Variants in DNAJC6 observed in about 807,000 individuals in gnomAD.
DNAJC6 encodes auxilin.
DNAJC6 carries 34 observed loss-of-function variants against 110.0 expected under a neutral mutation model. That is an observed-to-expected ratio of 0.31 (90% CI 0.24 to 0.41). DNAJC6 has a LOEUF of 0.41. Ranked by LOEUF, DNAJC6 falls within the 10% of genes least tolerant of loss-of-function variation. DNAJC6 has a pLI of 1.00. For synonymous variants in DNAJC6, 406 were observed against 437.2 expected, an observed-to-expected ratio of 0.93 and a Z score of 0.89; for missense variants, 1,031 against 1,207.8, an observed-to-expected ratio of 0.85 and a Z score of 2.17.
At chr1:65,366,327 C>A in intron 4 of DNAJC6, 131 bp downstream of exon 4, 1 of 975,628 alleles carries the variant, frequency 1.0e-6, no homozygotes, top group Non-Finnish European at 1.5e-6. Flanking sequence ...CACTTCTGTT[C>A]ACAAAATATT....
chr1:65,284,997 G>A (rs1653969842), intron 1 of DNAJC6, among the ~76,000 whole-genome samples: 1 of 152,052 alleles, frequency 6.6e-6, no homozygotes, highest in Non-Finnish European at 1.5e-5. Context: ...TGACTCACTG[G>A]TTTTAACTCT....
chr1:65,365,331 A>G (rs1248217147), intron 2 of DNAJC6, among the ~76,000 whole-genome samples: 3 of 152,080 alleles, frequency 2.0e-5, no homozygotes, highest in East Asian at 1.9e-4. Flanking sequence ...GTTATTTTTT[A>G]TTGTTTAGTA....
intron 13 of DNAJC6, among the ~76,000 whole-genome samples, chr1:65,395,802 A>G (rs1645971387): frequency 6.6e-6 from 1 of 152,238 alleles, no homozygotes; most frequent in African/African-American, 2.4e-5. Context: ...CTTAGGTTGT[A>G]TAGAAAGAGT....
intron 1 of DNAJC6, among the ~76,000 whole-genome samples, chr1:65,278,231 A>T (rs1194633402): frequency 6.6e-6 from 1 of 151,924 alleles, no homozygotes; most frequent in African/African-American, 2.4e-5. Context: ...TCATTTACTC[A>T]TTCATCTCAT....
upstream of DNAJC6, among the ~76,000 whole-genome samples, chr1:65,307,012 C>CTATATATATATA (rs1458442591): frequency 1.2e-5 from 1 of 80,028 alleles, no homozygotes; most frequent in African/African-American, 5.4e-5. Context: ...CTCTCTCTCT[C>CTATATATATATA]TCTCTCTATA....
In DNAJC6 at chr1:65,404,008, TA is replaced by T. The variant is rs113945664; in HGVS notation, c.2228-1854del. On this transcript the variant is annotated intron_variant, in intron 15 of 18. Transcript: ENST00000371069. Reference sequence around the variant, plus strand: ...TTTCTGTATTTACCAAATTTTAAAATAAAAAAAACACATATGTTCAGAACAG... The same window carrying T: ...TTTCTGTATTTACCAAATTTTAAAATAAAAAAACACATATGTTCAGAACAG... Among the ~76,000 whole-genome samples, 477 of 152,034 alleles carry T rather than the reference TA, an allele frequency of 3.1e-3. 2 individuals carry two copies. The highest frequency in any genetic ancestry group is 0.011 in the African/African-American group (456 of 41,494).
upstream of DNAJC6, among the ~76,000 whole-genome samples, chr1:65,306,196 T>G (rs1645035975): frequency 6.6e-6 from 1 of 151,508 alleles, no homozygotes; most frequent in South Asian, 2.1e-4. Flanking sequence ...TACAGGTGCC[T>G]GCCACCACGC....
At chr1:65,328,958 T>C (rs1645264449) in intron 1 of DNAJC6, among the ~76,000 whole-genome samples, 1 of 152,220 alleles carries the variant, frequency 6.6e-6, no homozygotes, top group Non-Finnish European at 1.5e-5. Context: ...TAAGTCTGGG[T>C]CAGGTGCTTC....
At chr1:65,374,027 A>G (rs193086108) in intron 4 of DNAJC6, among the ~76,000 whole-genome samples, 3 of 152,302 alleles carry the variant, frequency 2.0e-5, no homozygotes, top group Admixed American at 2.0e-4. Context: ...AGCACCATCT[A>G]TGGAAAAGAC....
At chr1:65,264,823 C>A in exon 1 of DNAJC6, 1 of 1,579,600 alleles carries the variant, frequency 6.3e-7, no homozygotes, top group Non-Finnish European at 8.6e-7. Context: ...CCCCCGAGAC[C>A]GCTGACTGTG....
rs55934054 is a variant in DNAJC6 at position 65,345,229 on chromosome 1, CGTGTGTGTGTGT to C, written c.194-19379_194-19368del. Reference sequence around the variant, plus strand: ...ACCATTTTTGTGCTTCTCTCCCTTTCGTGTGTGTGTGTGTGTGTGTGTGTGTGTGTGTGTGTG... The same window carrying C: ...ACCATTTTTGTGCTTCTCTCCCTTTCGTGTGTGTGTGTGTGTGTGTGTGTG... On this transcript the variant is annotated intron_variant, in intron 1 of 18. Coordinates refer to ENST00000371069, the MANE Select transcript of DNAJC6 (RefSeq NM_001256864.2). 3.0e-3 allele frequency among the ~76,000 whole-genome samples: 432 copies of C among 143,940 alleles called. 2 individuals carry two copies. Among genetic ancestry groups the C allele is most frequent in the African/African-American group, 0.011 (420 of 38,882 alleles). 94.4% of individuals were successfully genotyped at this position (143,940 alleles called of 152,430 possible).
chr1:65,408,163 C>A (rs1646094778), intron 16 of DNAJC6, among the ~76,000 whole-genome samples: 1 of 152,170 alleles, frequency 6.6e-6, no homozygotes, highest in African/African-American at 2.4e-5. Context: ...CCATGCTCGG[C>A]TGCCTCTCCA....
At chr1:65,302,107 AAT>A (rs71056094) in intron 1 of DNAJC6, among the ~76,000 whole-genome samples, 845 of 53,758 alleles carry the variant, frequency 0.016, 1 homozygote, top group Middle Eastern at 0.03. Context: ...TATAATATAT[AAT>A]ATATATATAT....
chr1:65,267,775 G>A (rs995224461), intron 1 of DNAJC6, among the ~76,000 whole-genome samples: 5 of 152,058 alleles, frequency 3.3e-5, no homozygotes, highest in East Asian at 1.9e-4. Flanking sequence ...TATTTCTAAG[G>A]TCCCCCAGGC....
At chr1:65,284,607 G>A (rs72679433) in intron 1 of DNAJC6, among the ~76,000 whole-genome samples, 5,358 of 152,052 alleles carry the variant, frequency 0.035, 126 homozygotes, top group Non-Finnish European at 0.059. Flanking sequence ...GGACCCTCTG[G>A]GCCCCTCTTC....
At chr1:65,396,287 G>A (rs914189091) in intron 13 of DNAJC6, among the ~76,000 whole-genome samples, 5 of 152,172 alleles carry the variant, frequency 3.3e-5, no homozygotes, top group Non-Finnish European at 5.9e-5. Context: ...GTAGAGTAGA[G>A]TTGGTTTTCT....
chr1:65,374,105 A>C (rs566209093), intron 4 of DNAJC6, among the ~76,000 whole-genome samples: 97 of 152,240 alleles, frequency 6.4e-4, no homozygotes, highest in Admixed American at 3.4e-3. Context: ...GCGTGGACTT[A>C]TATCTGGGTT....
chr1:65,268,151 G>A (rs1300445585), intron 1 of DNAJC6, among the ~76,000 whole-genome samples: 1 of 152,208 alleles, frequency 6.6e-6, no homozygotes, highest in Non-Finnish European at 1.5e-5. Flanking sequence ...CCAGGATGTT[G>A]CAGGTTCAGA....
At chr1:65,400,896 G>A (rs1646024534) in intron 14 of DNAJC6, among the ~76,000 whole-genome samples, 2 of 152,088 alleles carry the variant, frequency 1.3e-5, no homozygotes, top group South Asian at 2.1e-4. Flanking sequence ...AATATTTTAA[G>A]GAATCTCCAA....
Sources: gnomAD v4.1 joint callset for allele counts (sites outside exome capture counted in the v4.1 genomes callset) on GRCh38, gnomAD v4.1.1 for gene constraint, MANE v1.5 for transcripts, NCBI Gene and HGNC (gene_info 2026-07-23, HGNC 2026-07-21) for gene names.